The following SYNE2 variants were observed in gnomAD, a reference collection of about 807,000 sequenced individuals.
SYNE2 encodes the protein nesprin-2.
SYNE2 carries 431 observed loss-of-function variants against 856.3 expected under a neutral mutation model. The observed-to-expected ratio is 0.50, with a 90% CI of 0.47 to 0.55. The LOEUF is 0.55. SYNE2 is among the 20% of genes least tolerant of loss of function. The probability of loss-of-function intolerance (pLI) is 0.00; values close to 1 mark genes in which losing one functional copy is unlikely to be tolerated. For missense variants in SYNE2, 8,129 were observed against 8,023.2 expected, an observed-to-expected ratio of 1.01 and a Z score of -0.50; for synonymous variants, 2,923 against 2,872.3, an observed-to-expected ratio of 1.02 and a Z score of -0.56.
At chr14:64,218,195 A>C (rs1165006765) in intron 108 of SYNE2, 1 of 551,906 alleles carries the variant, frequency 1.8e-6, no homozygotes, top group African/African-American at 1.9e-5. Flanking sequence ...CCTGGGCCTT[A>C]GCTGAGGCTT....
intron 1 of SYNE2, among the ~76,000 whole-genome samples, chr14:63,764,631 G>A (rs1886608695): frequency 6.7e-6 from 1 of 149,082 alleles, no homozygotes; most frequent in South Asian, 2.1e-4. Flanking sequence ...TTGTTACATA[G>A]GTATACATGT....
intron 1 of SYNE2, among the ~76,000 whole-genome samples, chr14:63,809,730 G>A (rs113154589): frequency 0.014 from 2,185 of 152,164 alleles, 36 homozygotes; most frequent in South Asian, 0.078. Flanking sequence ...TGAACTCCAG[G>A]CCTCAAGTGA....
At position 64,161,999 on chromosome 14, in the gene SYNE2, A is replaced by T. The variant is rs569502360; in HGVS notation, c.16095-73A>T. 2.6e-6 allele frequency: 4 copies of T among 1,538,360 alleles called. No individual in the cohort carries two copies. In the African/African-American group the frequency reaches 5.5e-5, roughly 21 times the overall value. On this transcript the variant is annotated intron_variant, in intron 87 of 115. Transcript: ENST00000555002. ...CCATCTGCTAGTAACTTACCAGTAG[A>T]GTGTGTGCATTGTACTTTCGCTACA...
chr14:64,019,010 C>A (rs938088536), intron 34 of SYNE2, among the ~76,000 whole-genome samples: 2 of 152,178 alleles, frequency 1.3e-5, no homozygotes, highest in Non-Finnish European at 2.9e-5. Flanking sequence ...GTGGCTGACA[C>A]CTGTAATCCC....
At chr14:64,074,750 G>T in intron 53 of SYNE2, among the ~76,000 whole-genome samples, 1 of 152,050 alleles carries the variant, frequency 6.6e-6, no homozygotes, top group East Asian at 1.9e-4. Context: ...ACAAAAATTA[G>T]CCAGGCATGG....
Position 64,166,789 on chromosome 14 carries a change from C to G in SYNE2, c.16606-444C>G, listed in dbSNP as rs960210984. 61 of 221,478 alleles carry G rather than the reference C, an allele frequency of 2.8e-4. No homozygotes were observed. The Admixed American group carries it at 3.2e-3, about 12-fold the overall frequency. 13.7% of individuals were successfully genotyped at this position (221,478 alleles called of 1,614,324 possible). A position where few individuals can be genotyped will look rare whatever the true frequency, so the allele number is the denominator to read the frequency against. On this transcript the variant is annotated intron_variant, in intron 90 of 115. Transcript: ENST00000555002. ...TGAAACTAAAAATACAAAAATTAGC[C>G]AGGTGTGGTGGCAGGCACTTGTAAT...
intron 97 of SYNE2, among the ~76,000 whole-genome samples, chr14:64,187,145 G>A (rs1019440274): frequency 1.7e-4 from 26 of 152,282 alleles, no homozygotes; most frequent in African/African-American, 6.0e-4. Context: ...TATTAATAGA[G>A]TATTACACGG....
intron 6 of SYNE2, among the ~76,000 whole-genome samples, chr14:63,942,687 G>A (rs1240398884): frequency 6.6e-6 from 1 of 151,888 alleles, no homozygotes; most frequent in East Asian, 1.9e-4. Flanking sequence ...TAGAGATGAG[G>A]TTTCTCCATG....
intron 94 of SYNE2, among the ~76,000 whole-genome samples, chr14:64,174,467 A>G (rs1429209106): frequency 1.3e-5 from 2 of 152,218 alleles, no homozygotes; most frequent in African/African-American, 4.8e-5. Flanking sequence ...GCACACATCA[A>G]TGTACATGTT....
intron 49 of SYNE2, 52 bp downstream of exon 49, chr14:64,056,318 A>G: frequency 6.8e-7 from 1 of 1,480,016 alleles, no homozygotes; most frequent in African/African-American, 1.4e-5. Flanking sequence ...TTGTTTCAAG[A>G]TATAATTAAA....
chr14:63,866,539 CT>C (rs1289316046), intron 1 of SYNE2, among the ~76,000 whole-genome samples: 1 of 151,946 alleles, frequency 6.6e-6, no homozygotes, highest in African/African-American at 2.4e-5. Flanking sequence ...TTCTATATTC[CT>C]TTGGACAACC....
At position 63,967,059 on chromosome 14, in the gene SYNE2, T is replaced by A. The variant is rs964847993; in HGVS notation, c.991-650T>A. On this transcript the variant is annotated intron_variant, in intron 10 of 115. Transcript: ENST00000555002. ...TTCCGTATTTTTAGTAGAGACGGGGTTTCATCATGTTGGCCAGGATGGTCT... is the reference window on the plus strand; with the variant it reads ...TTCCGTATTTTTAGTAGAGACGGGGATTCATCATGTTGGCCAGGATGGTCT... Among the ~76,000 whole-genome samples the A allele has an allele frequency of 2.0e-5, 3 of 151,832 alleles. No individual in the cohort carries two copies. The East Asian group carries it at 5.8e-4, about 29-fold the overall frequency.
chr14:64,024,530 C>T, intron 39 of SYNE2, 71 bp downstream of exon 39: 1 of 1,441,708 alleles, frequency 6.9e-7, no homozygotes, highest in South Asian at 1.2e-5. Flanking sequence ...TGCCTCAGCG[C>T]AGAGAGCACT....
intron 2 of SYNE2, among the ~76,000 whole-genome samples, chr14:63,925,192 C>T (rs2095648913): frequency 6.6e-6 from 1 of 152,002 alleles, no homozygotes; most frequent in African/African-American, 2.4e-5. Context: ...TGTGGTGGCT[C>T]ATGCCTGTAG....
chr14:64,223,184 T>C lies in SYNE2; in HGVS notation c.20191-5T>C. 1 of 1,613,534 alleles carries C rather than the reference T, an allele frequency of 6.2e-7. No individual in the cohort carries two copies. The highest frequency in any genetic ancestry group is 8.5e-7 in the Non-Finnish European group (1 of 1,179,766). On this transcript the variant is annotated splice_polypyrimidine_tract_variant and splice_region_variant and intron_variant, in intron 112 of 115. Coordinates refer to ENST00000555002, the MANE Select transcript of SYNE2 (RefSeq NM_182914.3). ...CACTGTTTCACACACTTTATCTGTT[T>C]TCAGCAACTGGAAAAGGAGCTGGTA...
chr14:64,203,959 C>T (rs1300258537), intron 100 of SYNE2, among the ~76,000 whole-genome samples: 3 of 152,200 alleles, frequency 2.0e-5, no homozygotes, highest in Non-Finnish European at 2.9e-5. Context: ...TCAAGTGATC[C>T]TCCCACCCCA....
chr14:64,003,313 T>G lies in SYNE2; in HGVS notation c.4380T>G (p.Val1460=), dbSNP rs746868605. The G allele has an allele frequency of 3.7e-6, 6 of 1,613,994 alleles. No homozygotes were observed. The Admixed American group carries it at 1.0e-4, about 27-fold the overall frequency. ...ISKIGLKDPT[V]PAVKHRKKSL... ...AAATTGGTCTTAAGGATCCTACTGT[T>G]CCAGCTGTGAAACATCGGTAAGTAT... The change falls in exon 30 of 116, where the codon GTT becomes GTG. Residue 1460 remains valine (V), a synonymous_variant. Coordinates refer to ENST00000555002, the MANE Select transcript of SYNE2 (RefSeq NM_182914.3).
intron 11 of SYNE2, among the ~76,000 whole-genome samples, chr14:63,973,906 T>C (rs1256723373): frequency 6.6e-6 from 1 of 152,164 alleles, no homozygotes; most frequent in Non-Finnish European, 1.5e-5. Context: ...AATGTTGAAG[T>C]AATCTCTCTA....
chr14:63,817,882 G>A (rs189829620), intron 1 of SYNE2, among the ~76,000 whole-genome samples: 19 of 151,808 alleles, frequency 1.3e-4, no homozygotes, highest in Non-Finnish European at 2.2e-4. Context: ...AACATTAGTC[G>A]AGCATGGTGG....
Sources: gnomAD v4.1 joint callset for allele counts (sites outside exome capture counted in the v4.1 genomes callset) on GRCh38, gnomAD v4.1.1 for gene constraint, MANE v1.5 for transcripts, NCBI Gene and HGNC (gene_info 2026-07-23, HGNC 2026-07-21) for gene names.